The following HMG20A variants were observed in gnomAD, a reference collection of about 807,000 sequenced individuals.
The protein encoded by HMG20A is high mobility group 20A.
In HMG20A, 17 loss-of-function variants were observed where a neutral mutation model predicts 43.9. The observed-to-expected ratio is 0.39, with a 90% confidence interval of 0.27 to 0.58. The LOEUF (loss-of-function observed/expected upper bound fraction) is 0.58. Ranked by LOEUF, HMG20A falls within the 20% of genes least tolerant of loss-of-function variation. The pLI is 0.59. For missense variants in HMG20A, 341 were observed against 438.2 expected (o/e 0.78, Z 1.98); for synonymous variants, 132 against 147.5 (o/e 0.89, Z 0.76).
chr15:77,517,682 A>G, the HMG20A span, among the ~76,000 whole-genome samples: 1 of 151,784 alleles, frequency 6.6e-6, no homozygotes, highest in Non-Finnish European at 1.5e-5. Flanking sequence ...AGTCGGGGAG[A>G]TCACCAGAGC....
chr15:77,471,156 A>G lies in HMG20A; in HGVS notation c.583+114A>G, dbSNP rs773335830. 2.2e-4 allele frequency: 227 copies of G among 1,032,128 alleles called. 1 individual carries two copies. Among genetic ancestry groups the G allele is most frequent in the Admixed American group, 2.3e-4 (8 of 35,032 alleles). The allele number at this position is 1,032,128 out of a possible 1,614,324, so 63.9% of individuals were successfully genotyped here. Reference sequence around the variant, plus strand: ...GATGTGTTTCTGTTTTTTCTCCACTATCCAGTATTCACTTACAAGCATTAT... The same window carrying G: ...GATGTGTTTCTGTTTTTTCTCCACTGTCCAGTATTCACTTACAAGCATTAT... On this transcript the variant is annotated intron_variant, in intron 5 of 9. Coordinates refer to ENST00000336216, the MANE Select transcript of HMG20A (RefSeq NM_001304504.2).
chr15:77,507,544 T>C, the HMG20A span, among the ~76,000 whole-genome samples: 3 of 152,024 alleles, frequency 2.0e-5, no homozygotes, highest in African/African-American at 4.8e-5. Flanking sequence ...GACAAGGAAG[T>C]GGGACGCAAG....
At chr15:77,437,557 T>A (rs970687322) in intron 1 of HMG20A, among the ~76,000 whole-genome samples, 2 of 152,168 alleles carry the variant, frequency 1.3e-5, no homozygotes, top group Non-Finnish European at 2.9e-5. Context: ...CCTACCCACA[T>A]TTTTTAGATT....
At chr15:77,458,021 A>G (rs1194089882) in intron 1 of HMG20A, among the ~76,000 whole-genome samples, 1 of 152,204 alleles carries the variant, frequency 6.6e-6, no homozygotes, top group Non-Finnish European at 1.5e-5. Context: ...GTCTTAGTCT[A>G]AGATGGTGAA....
At chr15:77,425,233 C>T (rs150805244) in intron 1 of HMG20A, among the ~76,000 whole-genome samples, 2 of 152,254 alleles carry the variant, frequency 1.3e-5, no homozygotes, top group Non-Finnish European at 2.9e-5. Context: ...GTTTTTATTG[C>T]GTTGTTGTAG....
the HMG20A span, among the ~76,000 whole-genome samples, chr15:77,519,953 C>A: frequency 6.6e-6 from 1 of 152,160 alleles, no homozygotes; most frequent in Non-Finnish European, 1.5e-5. Flanking sequence ...GTAATCCCAG[C>A]ACTTTGGGAG....
chr15:77,511,917 A>G, the HMG20A span, among the ~76,000 whole-genome samples: 1 of 152,252 alleles, frequency 6.6e-6, no homozygotes, highest in Non-Finnish European at 1.5e-5. Flanking sequence ...GTATACATCC[A>G]AAAGCATTGA....
chr15:77,421,140 C>G, intron 1 of HMG20A, 136 bp downstream of exon 1: 11 of 147,140 alleles, frequency 7.5e-5, no homozygotes, highest in East Asian at 1.8e-4. Context: ...CCTCAACTTC[C>G]GGTTGGGGGA....
intron 3 of HMG20A, among the ~76,000 whole-genome samples, chr15:77,466,016 A>G (rs1392398861): frequency 6.6e-6 from 1 of 152,206 alleles, no homozygotes; most frequent in Admixed American, 6.5e-5. Flanking sequence ...TCATTTCTTT[A>G]GTTTTTTTCA....
chr15:77,482,122 ACT>A (rs2072910445), intron 9 of HMG20A: 1 of 152,150 alleles, frequency 6.6e-6, no homozygotes, highest in African/African-American at 2.4e-5. Context: ...AGATATCTAA[ACT>A]CTCTCATTCA....
chr15:77,440,095 T>C (rs1161764967), intron 1 of HMG20A, among the ~76,000 whole-genome samples: 1 of 152,224 alleles, frequency 6.6e-6, no homozygotes. Flanking sequence ...CTTTAGGGAA[T>C]ATATGTATTA....
the HMG20A span, among the ~76,000 whole-genome samples, chr15:77,517,096 T>C: frequency 6.6e-6 from 1 of 152,166 alleles, no homozygotes; most frequent in Non-Finnish European, 1.5e-5. Flanking sequence ...AGACCTAGGC[T>C]CCTTGAGGCC....
chr15:77,516,969 G>A, the HMG20A span, among the ~76,000 whole-genome samples: 9 of 152,158 alleles, frequency 5.9e-5, no homozygotes, highest in East Asian at 1.9e-4. Context: ...TCGCCTCCCC[G>A]CAGCATGGTG....
intron 1 of HMG20A, among the ~76,000 whole-genome samples, chr15:77,431,310 C>G (rs1313268244): frequency 1.3e-5 from 2 of 152,158 alleles, no homozygotes; most frequent in African/African-American, 4.8e-5. Flanking sequence ...CTCCTGTGTT[C>G]AAGCGATTCT....
chr15:77,434,777 A>C (rs546683241), intron 1 of HMG20A, among the ~76,000 whole-genome samples: 7 of 152,282 alleles, frequency 4.6e-5, no homozygotes, highest in African/African-American at 1.7e-4. Flanking sequence ...ACTGAAACTC[A>C]TATGTTTCTG....
chr15:77,434,153 C>T (rs2073520211), intron 1 of HMG20A, among the ~76,000 whole-genome samples: 1 of 152,088 alleles, frequency 6.6e-6, no homozygotes, highest in Admixed American at 6.5e-5. Context: ...TGAATGGTGC[C>T]TGGTTTTGTG....
chr15:77,434,608 A>G (rs745760341), intron 1 of HMG20A, among the ~76,000 whole-genome samples: 11 of 152,210 alleles, frequency 7.2e-5, no homozygotes, highest in Non-Finnish European at 1.2e-4. Flanking sequence ...CCAAAGGCCA[A>G]TATGCACCCA....
chr15:77,493,220 G>A, the HMG20A span, among the ~76,000 whole-genome samples: 4 of 152,160 alleles, frequency 2.6e-5, no homozygotes, highest in African/African-American at 4.8e-5. Context: ...TAGTAGTAGC[G>A]TGTGTCAGCA....
At chr15:77,460,027 GT>G (rs1411319914) in intron 2 of HMG20A, among the ~76,000 whole-genome samples, 2 of 152,166 alleles carry the variant, frequency 1.3e-5, no homozygotes, top group Non-Finnish European at 2.9e-5. Context: ...CTGACTTACG[GT>G]TTTATAAGAT....
Sources: allele counts gnomAD v4.1 joint callset (sites outside exome capture counted in the v4.1 genomes callset), GRCh38; gene constraint gnomAD v4.1.1; transcripts MANE v1.5; gene names NCBI Gene and HGNC (gene_info 2026-07-23, HGNC 2026-07-21).